Variants in EXD1 observed in about 807,000 individuals in gnomAD.
EXD1 encodes exonuclease 3'-5' domain containing 1.
EXD1 carries 63 observed loss-of-function variants against 49.1 expected under a neutral mutation model. That is an observed-to-expected ratio of 1.28 (90% CI 1.05 to 1.58). The LOEUF (loss-of-function observed/expected upper bound fraction) is 1.58. EXD1 is among the 40% of genes most tolerant of loss of function. EXD1 has a pLI of 0.00. For missense variants in EXD1, 748 were observed against 666.0 expected (o/e 1.12, Z -1.36); for synonymous variants, 234 against 239.2 (o/e 0.98, Z 0.20).
At chr15:41,205,904 G>A (rs1343412534) in intron 7 of EXD1, among the ~76,000 whole-genome samples, 3 of 128,608 alleles carry the variant, frequency 2.3e-5, no homozygotes, top group Non-Finnish European at 3.2e-5. Flanking sequence ...TTTTTGAGAT[G>A]GAGTCTCATT....
At chr15:41,204,524 C>T (rs2046792797) in intron 7 of EXD1, among the ~76,000 whole-genome samples, 1 of 152,062 alleles carries the variant, frequency 6.6e-6, no homozygotes, top group Admixed American at 6.6e-5. Context: ...GCACTCCAGC[C>T]TTGGCAACAG....
At chr15:41,185,294 T>C (rs1473318833) in intron 11 of EXD1, among the ~76,000 whole-genome samples, 2 of 152,184 alleles carry the variant, frequency 1.3e-5, no homozygotes, top group Middle Eastern at 6.3e-3. Context: ...TTTATTTTCC[T>C]CCAAATTTTT....
intron 7 of EXD1, 131 bp downstream of exon 7, chr15:41,209,370 T>A (rs2046885497): frequency 4.0e-6 from 3 of 748,398 alleles, no homozygotes; most frequent in Non-Finnish European, 6.7e-6. Context: ...TGATCTATGA[T>A]CTGCACTGTG....
intron 7 of EXD1, among the ~76,000 whole-genome samples, chr15:41,196,704 T>C (rs1268145953): frequency 6.6e-6 from 1 of 151,848 alleles, no homozygotes; most frequent in African/African-American, 2.4e-5. Flanking sequence ...GTGCTGGGAT[T>C]ACAGGCATGA....
chr15:41,217,300 G>A, intron 3 of EXD1, 146 bp from the exon 4 acceptor site: 3 of 643,898 alleles, frequency 4.7e-6, no homozygotes, highest in Non-Finnish European at 8.1e-6. Flanking sequence ...TTACTGGCCA[G>A]CAATAAATAC....
chr15:41,200,003 A>C (rs1277024718), intron 7 of EXD1, among the ~76,000 whole-genome samples: 1 of 150,870 alleles, frequency 6.6e-6, no homozygotes, highest in Non-Finnish European at 1.5e-5. Flanking sequence ...TTCTGGCTTC[A>C]AGTGATTCTC....
intron 10 of EXD1, among the ~76,000 whole-genome samples, chr15:41,190,560 A>G (rs2046497275): frequency 6.6e-6 from 1 of 152,200 alleles, no homozygotes; most frequent in Non-Finnish European, 1.5e-5. Flanking sequence ...TTCTATTATT[A>G]CCTTCTATTT....
Position 41,217,109 on chromosome 15 carries a change from G to T in EXD1, c.248C>A (p.Ala83Glu). The T allele has an allele frequency of 6.2e-7, 1 of 1,612,114 alleles. No individual in the cohort carries two copies. The highest frequency in any genetic ancestry group is 8.5e-7 in the Non-Finnish European group (1 of 1,179,638). Residue 83 changes from alanine to glutamate, a missense_variant, in exon 4 of 12, where the codon GCA becomes GAA. Ala to Glu is a moderately radical substitution (Grantham distance 107, BLOSUM62 -1). Coordinates refer to ENST00000458580, the MANE Select transcript of EXD1 (RefSeq NM_001286441.2). Reference protein sequence around the residue: ...EVEQGSVRAKASSVSLHAERT... With the variant: ...EVEQGSVRAKESSVSLHAERT... ...TATTCCTTCTTACCTAACAGAAGAT[G>T]CTTTTGCTCTCACTGAGCCTTGTTC...
intron 6 of EXD1, among the ~76,000 whole-genome samples, chr15:41,210,543 G>A (rs192421527): frequency 1.1e-3 from 160 of 152,188 alleles, no homozygotes; most frequent in East Asian, 7.7e-3. Context: ...AAATTATCCA[G>A]GCATGGTGGT....
intron 7 of EXD1, among the ~76,000 whole-genome samples, chr15:41,209,195 A>C (rs2140877916): frequency 6.6e-6 from 1 of 152,252 alleles, no homozygotes; most frequent in East Asian, 1.9e-4. Context: ...GGGCTAAAGC[A>C]AGAGGATTAC....
intron 7 of EXD1, among the ~76,000 whole-genome samples, chr15:41,204,320 G>A (rs192221260): frequency 3.2e-4 from 49 of 151,874 alleles, no homozygotes; most frequent in African/African-American, 1.1e-3. Flanking sequence ...GGAGGTCAGG[G>A]CAGTTGGATC....
intron 1 of EXD1, among the ~76,000 whole-genome samples, chr15:41,227,358 C>T (rs2047178730): frequency 6.6e-6 from 1 of 152,088 alleles, no homozygotes; most frequent in Admixed American, 6.6e-5. Context: ...CAGTTCTACG[C>T]TAAAGGTATT....
At chr15:41,217,332 T>C (rs111518291) in intron 3 of EXD1, among the ~76,000 whole-genome samples, 178 bp from the exon 4 acceptor site, 1 of 152,188 alleles carries the variant, frequency 6.6e-6, no homozygotes, top group African/African-American at 2.4e-5. Context: ...CCATCTAAAG[T>C]ACCAAAGACT....
At chr15:41,216,088 AT>A (rs1240927027) in intron 5 of EXD1, among the ~76,000 whole-genome samples, 1 of 152,080 alleles carries the variant, frequency 6.6e-6, no homozygotes, top group Non-Finnish European at 1.5e-5. Flanking sequence ...GGGATACCAT[AT>A]TTCAGAATCC....
intron 6 of EXD1, 110 bp downstream of exon 6, chr15:41,215,665 G>A (rs571577065): frequency 2.9e-5 from 33 of 1,124,954 alleles, no homozygotes; most frequent in African/African-American, 2.3e-4. Context: ...CAACCTGGGC[G>A]ATAGAGCAAG....
At chr15:41,221,813 C>G (rs1048804279) in intron 2 of EXD1, among the ~76,000 whole-genome samples, 2 of 152,002 alleles carry the variant, frequency 1.3e-5, no homozygotes, top group African/African-American at 4.8e-5. Flanking sequence ...TAAGAACAGA[C>G]TTACTAAGGC....
chr15:41,195,513 C>T (rs2046594802), intron 9 of EXD1, among the ~76,000 whole-genome samples: 1 of 152,102 alleles, frequency 6.6e-6, no homozygotes, highest in Non-Finnish European at 1.5e-5. Flanking sequence ...GAGTCTGAAT[C>T]TTGCTTCTTT....
chr15:41,193,591 T>G (rs1014821265), intron 9 of EXD1, among the ~76,000 whole-genome samples: 1 of 152,040 alleles, frequency 6.6e-6, no homozygotes, highest in East Asian at 1.9e-4. Flanking sequence ...ATTTTAAAAA[T>G]CAGCCAGGCA....
Position 41,230,569 on chromosome 15 carries a change from T to A in EXD1, c.-144A>T, listed in dbSNP as rs993776743. ...CTGGATCCTAATTTCAGCCAAGTGG[T>A]GCGTTCCTCGAACTTCAGTCTAGAA... On this transcript the variant is annotated 5_prime_UTR_variant, in exon 1 of 12. Coordinates refer to ENST00000458580, the MANE Select transcript of EXD1 (RefSeq NM_001286441.2). 6.2e-7 allele frequency: 1 copy of A among 1,613,598 alleles called. No homozygotes were observed.
Sources: allele counts gnomAD v4.1 joint callset (sites outside exome capture counted in the v4.1 genomes callset), GRCh38; gene constraint gnomAD v4.1.1; transcripts MANE v1.5; gene names NCBI Gene and HGNC (gene_info 2026-07-23, HGNC 2026-07-21).